Variants in IRAG1 observed in about 807,000 individuals in gnomAD.
IRAG1 encodes IP3R-associated cGMP kinase substrate.
In IRAG1, 62 loss-of-function variants were observed where a neutral mutation model predicts 106.2. The ratio of observed to expected loss-of-function variants is 0.58; its 90% CI spans 0.48 to 0.72. IRAG1 has a LOEUF of 0.72. Ranked by LOEUF, IRAG1 falls within the 30% of genes least tolerant of loss-of-function variation. The pLI, the probability that IRAG1 is intolerant of heterozygous loss-of-function variation, is 0.00. For missense variants in IRAG1, 1,064 were observed against 1,140.7 expected, an observed-to-expected ratio of 0.93 and a Z score of 0.97; for synonymous variants, 462 against 443.9, an observed-to-expected ratio of 1.04 and a Z score of -0.51.
intron 1 of IRAG1, among the ~76,000 whole-genome samples, chr11:10,662,368 C>T (rs1355152176): frequency 6.6e-6 from 1 of 152,170 alleles, no homozygotes; most frequent in African/African-American, 2.4e-5. Flanking sequence ...CGATGATGTA[C>T]CCGGGTTTCA....
intron 1 of IRAG1, among the ~76,000 whole-genome samples, chr11:10,663,528 G>A (rs1359967065): frequency 6.6e-6 from 1 of 152,134 alleles, no homozygotes; most frequent in Non-Finnish European, 1.5e-5. Context: ...TGGGCACTGG[G>A]GCTCTGGGGT....
At chr11:10,693,315 A>C in intron 1 of IRAG1, 3 of 884,000 alleles carry the variant, frequency 3.4e-6, no homozygotes, top group Non-Finnish European at 4.8e-6. Flanking sequence ...AAAGGAGCAC[A>C]ATCTAGTTAA....
At chr11:10,651,306 A>C (rs1240299370) in intron 2 of IRAG1, among the ~76,000 whole-genome samples, 3 of 152,262 alleles carry the variant, frequency 2.0e-5, no homozygotes, top group Non-Finnish European at 4.4e-5. Flanking sequence ...AAATGGATGA[A>C]GCCCTTAAGT....
intron 9 of IRAG1, among the ~76,000 whole-genome samples, chr11:10,624,202 G>A (rs748369414): frequency 6.6e-6 from 1 of 152,196 alleles, no homozygotes; most frequent in Admixed American, 6.5e-5. Context: ...GCAGAACTAA[G>A]GGCTCTGGGA....
chr11:10,632,186 CTTTCTTT>C, intron 3 of IRAG1, 125 bp from the exon 4 acceptor site: 2 of 652,186 alleles, frequency 3.1e-6, no homozygotes, highest in Non-Finnish European at 2.5e-6. Context: ...TTCCTTCTTT[CTTTCTTT>C]TTTTTTTTTT....
intron 1 of IRAG1, chr11:10,687,403 C>T (rs1861740257): frequency 1.1e-5 from 2 of 177,846 alleles, no homozygotes; most frequent in African/African-American, 4.8e-5. Context: ...ACATTCTGCT[C>T]TGTTTCTCCA....
rs1251799303 is a variant in IRAG1, at chr11:10,626,150, C to T, written c.1184G>A (p.Trp395Ter). The stretch of plus-strand genomic sequence containing the variant: ...GCCAGGTTCTTCAGGGCCACTGTCC[C>T]AGGAGAGCCCTCGCAGCAGCGGGGG... ...SRPPLLRGLS[W>*]DSGPEEPGPR... Residue 395 changes from tryptophan to a stop codon, truncating the protein, a stop_gained, in exon 9 of 21, where the codon TGG (tryptophan) becomes TAG (stop). Coordinates refer to ENST00000423302, the MANE Select transcript of IRAG1 (RefSeq NM_130385.4). LOFTEE classifies it high-confidence loss of function. The T allele has an allele frequency of 8.4e-6, 13 of 1,541,130 alleles. No homozygotes were observed. The highest frequency in any genetic ancestry group is 1.4e-5 in the African/African-American group (1 of 72,380).
At chr11:10,693,441 C>A (rs1239899978) in intron 1 of IRAG1, 95 bp downstream of exon 1, 2 of 1,494,774 alleles carry the variant, frequency 1.3e-6, no homozygotes, top group Non-Finnish European at 1.8e-6. Context: ...AGTTTAGCAC[C>A]CCCATCCCAG....
At chr11:10,675,902 C>G (rs1027824630) in intron 1 of IRAG1, among the ~76,000 whole-genome samples, 1 of 152,216 alleles carries the variant, frequency 6.6e-6, no homozygotes, top group African/African-American at 2.4e-5. Context: ...ACCCACTGAT[C>G]GACCACGACT....
intron 4 of IRAG1, among the ~76,000 whole-genome samples, chr11:10,630,398 G>A (rs1180393945): frequency 1.3e-5 from 2 of 149,030 alleles, no homozygotes; most frequent in African/African-American, 5.0e-5. Flanking sequence ...TTGAGACAGA[G>A]TCTCACTCTG....
chr11:10,591,480 A>G (rs1852664174), intron 18 of IRAG1, 68 bp downstream of exon 18: 1 of 1,369,344 alleles, frequency 7.3e-7, no homozygotes, highest in Non-Finnish European at 1.0e-6. Flanking sequence ...AAATGGGAGG[A>G]AGGAAAGTAA....
At chr11:10,627,336 T>A (rs1283100578) in intron 8 of IRAG1, among the ~76,000 whole-genome samples, 1 of 152,070 alleles carries the variant, frequency 6.6e-6, no homozygotes, top group South Asian at 2.1e-4. Context: ...TCAACAAAGA[T>A]GAGGTTTTCC....
rs1173808930 is a variant in IRAG1 at position 10,628,367 on chromosome 11, G to T, written c.653-342C>A. On this transcript the variant is annotated intron_variant, in intron 6 of 20. Transcript: ENST00000423302. The surrounding 1 kb of genome is among the most constrained non-coding windows in gnomAD (Gnocchi z 4.1). ...ACCCTCCCCCTTTCCTTGTTGGCTG[G>T]AGGGTGTGACTCTGGGTACAGCCTA... Among the ~76,000 whole-genome samples the T allele has an allele frequency of 6.6e-6, 1 of 152,198 alleles. No individual in the cohort carries two copies. Among genetic ancestry groups the T allele is most frequent in the Non-Finnish European group, 1.5e-5 (1 of 68,040 alleles).
chr11:10,671,408 C>T (rs1410678813), intron 1 of IRAG1, among the ~76,000 whole-genome samples: 3 of 152,118 alleles, frequency 2.0e-5, no homozygotes, highest in Non-Finnish European at 4.4e-5. Context: ...AGCATAAATA[C>T]TTAGGAATAC....
chr11:10,579,792 C>G (rs564184321), intron 20 of IRAG1, among the ~76,000 whole-genome samples: 5 of 152,176 alleles, frequency 3.3e-5, no homozygotes, highest in African/African-American at 7.2e-5. Flanking sequence ...AGGCAGGAAC[C>G]ACAAGTGGGA....
chr11:10,607,054 G>T (rs919452993), intron 11 of IRAG1, among the ~76,000 whole-genome samples: 3 of 152,124 alleles, frequency 2.0e-5, no homozygotes, highest in African/African-American at 7.2e-5. Flanking sequence ...CCTTGCAGAG[G>T]TATTATAAGC....
chr11:10,667,545 T>A (rs1443947017), intron 1 of IRAG1, among the ~76,000 whole-genome samples: 2 of 152,172 alleles, frequency 1.3e-5, no homozygotes, highest in Non-Finnish European at 2.9e-5. Context: ...AATCTAGCCA[T>A]CCTGCAGCCC....
chr11:10,653,210 G>C (rs1032976160), intron 1 of IRAG1, among the ~76,000 whole-genome samples: 1 of 152,204 alleles, frequency 6.6e-6, no homozygotes, highest in African/African-American at 2.4e-5. Context: ...CATGAGGAAA[G>C]CCAGACAGAA....
rs751714226 is a variant in IRAG1, at chr11:10,628,802, C to T, written c.601G>A (p.Ala201Thr). The change falls in exon 6 of 21, where the codon GCT becomes ACT. Residue 201 changes from alanine (A) to threonine (T), a missense_variant. Physicochemically the swap from Ala to Thr is moderately conservative, Grantham distance 58. Coordinates refer to ENST00000423302, the MANE Select transcript of IRAG1 (RefSeq NM_130385.4). This position sits in a 1 kb window ranked among gnomAD's most constrained non-coding sequence, Gnocchi z 4.1. ...TTGCTCCGAGAGGATGTAGGAGAAG[C>T]GCTGGGGCTGAGGTTCGGGGAAACA... is the stretch of plus-strand genomic sequence containing the variant. ...SAVSPNLSPS[A>T]SPTSSRSNSL... 1.2e-4 allele frequency: 183 copies of T among 1,576,276 alleles called. No individual in the cohort carries two copies. In the Admixed American group the frequency reaches 2.8e-3, roughly 24 times the overall value.
Sources: allele counts gnomAD v4.1 joint callset (sites outside exome capture counted in the v4.1 genomes callset), GRCh38; gene constraint gnomAD v4.1.1; non-coding constraint Gnocchi (gnomAD v3.1); transcripts MANE v1.5; gene names NCBI Gene and HGNC (gene_info 2026-07-23, HGNC 2026-07-21).